The following MBNL2 variants were observed in gnomAD, a reference collection of about 807,000 sequenced individuals.
MBNL2 encodes muscleblind-like protein 2.
Under a neutral mutation model 41.9 loss-of-function variants are expected in MBNL2, and 17 were observed. That is an observed-to-expected ratio of 0.41 (90% confidence interval 0.28 to 0.61). The LOEUF (loss-of-function observed/expected upper bound fraction) is 0.61, where lower values mean the gene tolerates loss of function less well. Among genes scored for constraint, MBNL2 ranks in the 20% least tolerant of loss-of-function variants. The pLI is 0.35. For missense variants in MBNL2, 336 were observed against 505.6 expected (o/e 0.66, Z 3.22); for synonymous variants, 195 against 182.9 (o/e 1.07, Z -0.53).
chr13:97,160,894 T>C, the MBNL2 span, among the ~76,000 whole-genome samples: 1 of 152,200 alleles, frequency 6.6e-6, no homozygotes, highest in Non-Finnish European at 1.5e-5. Flanking sequence ...TGGAAAGAGT[T>C]AATTCTCAAT....
the MBNL2 span, among the ~76,000 whole-genome samples, chr13:97,200,431 C>A: frequency 2.0e-5 from 3 of 152,300 alleles, no homozygotes; most frequent in African/African-American, 7.2e-5. Context: ...CAGAACCATA[C>A]AAGGAAAGGA....
chr13:97,344,703 T>G (rs1201868754), intron 4 of MBNL2, among the ~76,000 whole-genome samples: 1 of 152,232 alleles, frequency 6.6e-6, no homozygotes, highest in African/African-American at 2.4e-5. Flanking sequence ...TTCACAGGAC[T>G]GGAAAAGTGT....
At chr13:97,160,646 C>G in the MBNL2 span, among the ~76,000 whole-genome samples, 10 of 152,038 alleles carry the variant, frequency 6.6e-5, no homozygotes, top group African/African-American at 2.4e-4. Flanking sequence ...GGCTACTCAT[C>G]GCTTTGTTAG....
intron 1 of MBNL2, among the ~76,000 whole-genome samples, chr13:97,269,358 C>T (rs1440881014): frequency 6.6e-6 from 1 of 152,182 alleles, no homozygotes; most frequent in South Asian, 2.1e-4. Flanking sequence ...GGGGCAATGC[C>T]GTTATACATG....
At chr13:97,147,643 G>T in the MBNL2 span, among the ~76,000 whole-genome samples, 1 of 152,158 alleles carries the variant, frequency 6.6e-6, no homozygotes, top group Non-Finnish European at 1.5e-5. Flanking sequence ...AGCTTTCTAA[G>T]TCCTTAAAAT....
At chr13:97,176,053 T>A in the MBNL2 span, among the ~76,000 whole-genome samples, 2 of 152,192 alleles carry the variant, frequency 1.3e-5, no homozygotes, top group Admixed American at 1.3e-4. Flanking sequence ...TCTGCCATGC[T>A]GGAAGAATCT....
At chr13:97,263,768 C>G (rs1037170404) in intron 1 of MBNL2, among the ~76,000 whole-genome samples, 1 of 151,966 alleles carries the variant, frequency 6.6e-6, no homozygotes, top group Non-Finnish European at 1.5e-5. Flanking sequence ...CAGGTGTGCA[C>G]TACCACACCC....
chr13:97,301,698 C>G (rs1373002141), intron 2 of MBNL2, among the ~76,000 whole-genome samples: 1 of 152,144 alleles, frequency 6.6e-6, no homozygotes, highest in Admixed American at 6.5e-5. Context: ...GGAAAGAAAC[C>G]CCACAAGTCA....
At chr13:97,290,168 T>C (rs533308776) in intron 2 of MBNL2, among the ~76,000 whole-genome samples, 1 of 152,344 alleles carries the variant, frequency 6.6e-6, no homozygotes, top group South Asian at 2.1e-4. Context: ...ATTAAATTTT[T>C]ATTGTACCTC....
At chr13:97,239,978 A>G in intron 1 of MBNL2, among the ~76,000 whole-genome samples, 1 of 149,122 alleles carries the variant, frequency 6.7e-6, no homozygotes, top group East Asian at 1.9e-4. Context: ...CCCCAGGAGA[A>G]GAAGTTGTAT....
intron 1 of MBNL2, among the ~76,000 whole-genome samples, chr13:97,243,967 C>T (rs1436550641): frequency 6.6e-6 from 1 of 152,136 alleles, no homozygotes; most frequent in Non-Finnish European, 1.5e-5. Context: ...TTCTGTCTTT[C>T]ACAGTATCAG....
intron 2 of MBNL2, among the ~76,000 whole-genome samples, chr13:97,307,431 T>G (rs1261061903): frequency 6.6e-6 from 1 of 151,806 alleles, no homozygotes; most frequent in African/African-American, 2.4e-5. Context: ...TTCCCTAGAC[T>G]CCACCAAAAC....
intron 5 of MBNL2, among the ~76,000 whole-genome samples, chr13:97,351,458 C>T (rs932432333): frequency 3.3e-5 from 5 of 152,182 alleles, no homozygotes; most frequent in African/African-American, 1.2e-4. Flanking sequence ...CTCTGAAAGT[C>T]CTAGTTGACA....
At chr13:97,163,615 T>G in the MBNL2 span, among the ~76,000 whole-genome samples, 2 of 152,216 alleles carry the variant, frequency 1.3e-5, no homozygotes, top group Non-Finnish European at 2.9e-5. Flanking sequence ...GAGCCTAGTT[T>G]ACCTGAATAC....
At position 97,287,612 on chromosome 13, in the gene MBNL2, T is replaced by A. The variant is rs1430315822; in HGVS notation, c.174+11203T>A. 3.0e-4 allele frequency among the ~76,000 whole-genome samples: 46 copies of A among 152,152 alleles called. 1 individual carries two copies. On this transcript the variant is annotated intron_variant, in intron 2 of 8. Coordinates refer to ENST00000679496, the MANE Select transcript of MBNL2 (RefSeq NM_001382683.1). Reference sequence around the variant, plus strand: ...AGAACACTAGAACTTATTCCCCCGATCTAGCTGTAATTTTCTACAAAACGT... The same window carrying A: ...AGAACACTAGAACTTATTCCCCCGAACTAGCTGTAATTTTCTACAAAACGT...
In MBNL2 at chr13:97,334,177, G is replaced by C. The variant is rs923293182; in HGVS notation, c.175-99G>C. 7 of 780,208 alleles carry C rather than the reference G, an allele frequency of 9.0e-6. No homozygotes were observed. The highest frequency in any genetic ancestry group is 6.3e-5 in the African/African-American group (3 of 47,890). 48.3% of individuals were successfully genotyped at this position (780,208 alleles called of 1,614,324 possible). A position where few individuals can be genotyped will look rare whatever the true frequency, so the allele number is the denominator to read the frequency against. ...ACACACACACACACACACACACACA[G>C]GATCCTTGCTTTTGTGCATAAGAAG... On this transcript the variant is annotated intron_variant, in intron 2 of 8. Coordinates refer to ENST00000679496, the MANE Select transcript of MBNL2 (RefSeq NM_001382683.1). The surrounding 1 kb of genome is among the most constrained non-coding windows in gnomAD (Gnocchi z 5.3).
intron 2 of MBNL2, among the ~76,000 whole-genome samples, chr13:97,276,977 T>C (rs7321962): frequency 0.21 from 32,356 of 152,146 alleles, 6,210 homozygotes; most frequent in African/African-American, 0.52. Flanking sequence ...AGATGGCACC[T>C]TTGATGAGCT....
the MBNL2 span, among the ~76,000 whole-genome samples, chr13:97,169,458 C>T: frequency 1.3e-5 from 2 of 152,180 alleles, no homozygotes; most frequent in Non-Finnish European, 2.9e-5. Context: ...ATACTTCCTC[C>T]ATGTGTCCCC....
In MBNL2 at chr13:97,292,350, G is replaced by A. The variant is rs16953993; in HGVS notation, c.174+15941G>A. Among the ~76,000 whole-genome samples, 1,234 of 152,292 alleles carry A rather than the reference G, an allele frequency of 8.1e-3. 18 individuals carry two copies. The highest frequency in any genetic ancestry group is 0.028 in the African/African-American group (1,183 of 41,536). On this transcript the variant is annotated intron_variant, in intron 2 of 8. Coordinates refer to ENST00000679496, the MANE Select transcript of MBNL2 (RefSeq NM_001382683.1). ...TTCTTGCCATAGTCACTCAGGAGCT[G>A]GGTGTAAACCCAAAGCTTGGGGAGA...
Sources: gnomAD v4.1 joint callset for allele counts (sites outside exome capture counted in the v4.1 genomes callset) on GRCh38, gnomAD v4.1.1 for gene constraint, Gnocchi (gnomAD v3.1) non-coding constraint, MANE v1.5 for transcripts, NCBI Gene and HGNC (gene_info 2026-07-23, HGNC 2026-07-21) for gene names.